The following ORC1 variants were observed in gnomAD, a reference collection of about 807,000 sequenced individuals.
ORC1 encodes the protein origin recognition complex, subunit 1 homolog.
ORC1 carries 61 observed loss-of-function variants against 98.9 expected under a neutral mutation model. The ratio of observed to expected loss-of-function variants is 0.62; its 90% CI spans 0.50 to 0.76. The LOEUF (loss-of-function observed/expected upper bound fraction) is 0.76, where lower values mean the gene tolerates loss of function less well. Among genes scored for constraint, ORC1 ranks in the 30% least tolerant of loss-of-function variants. ORC1 has a pLI of 0.00. For synonymous variants in ORC1, 385 were observed against 406.9 expected (o/e 0.95, Z 0.65); for missense variants, 979 against 1,072.2 (o/e 0.91, Z 1.21).
chr1:52,383,622 G>A (rs1178009118), intron 12 of ORC1, 53 bp from the exon 13 acceptor site: 2 of 1,594,132 alleles, frequency 1.3e-6, no homozygotes, highest in East Asian at 2.2e-5. Flanking sequence ...CTGAGCTGGT[G>A]CTTCAAAATG....
rs1646974125 is a variant in ORC1, at chr1:52,374,874, C to T, written c.2327G>A (p.Ser776Asn). The T allele has an allele frequency of 4.3e-6, 7 of 1,613,842 alleles. No individual in the cohort carries two copies. Among genetic ancestry groups the T allele is most frequent in the African/African-American group, 1.3e-5 (1 of 75,038 alleles). The change falls in exon 16 of 17, where the codon AGC becomes AAC. Residue 776 changes from serine (S) to asparagine (N), a missense_variant. Ser to Asn is a conservative substitution (Grantham distance 46, BLOSUM62 1). Transcript: ENST00000371568. Reference protein sequence around the residue: ...AIKNSSVLEQSFLRAILAEFR... With the variant: ...AIKNSSVLEQNFLRAILAEFR... ...CTCTGCGAGGATGGCTCTCAGGAAG[C>T]TCTGTTCCAGAACAGAGGAATTTCT...
At chr1:52,374,279 CTTAT>C (rs1646968306) in intron 16 of ORC1, among the ~76,000 whole-genome samples, 1 of 152,218 alleles carries the variant, frequency 6.6e-6, no homozygotes, top group South Asian at 2.1e-4. Flanking sequence ...GTTTTCCTGA[CTTAT>C]TTTAGTTAAA....
At chr1:52,377,759 C>T (rs1647013558) in intron 14 of ORC1, among the ~76,000 whole-genome samples, 1 of 148,980 alleles carries the variant, frequency 6.7e-6, no homozygotes, top group South Asian at 2.1e-4. Context: ...AACCCAGGCC[C>T]CAATTAACTC....
chr1:52,383,594 C>G (rs374869657), intron 12 of ORC1, 25 bp from the exon 13 acceptor site: 42 of 1,613,440 alleles, frequency 2.6e-5, no homozygotes, highest in Non-Finnish European at 3.6e-5. Flanking sequence ...GAGAGAGGTG[C>G]AGAGTCAATC....
At chr1:52,403,752 C>T (rs1461419039) in intron 1 of ORC1, among the ~76,000 whole-genome samples, 2 of 152,056 alleles carry the variant, frequency 1.3e-5, no homozygotes. Flanking sequence ...GTTAGGAGCT[C>T]ATCTGAAAAA....
chr1:52,384,684 T>C lies in ORC1; in HGVS notation c.1621A>G (p.Thr541Ala), dbSNP rs1647119553. 6.2e-7 allele frequency: 1 copy of C among 1,613,962 alleles called. No individual in the cohort carries two copies. Among genetic ancestry groups the C allele is most frequent in the Non-Finnish European group, 8.5e-7 (1 of 1,179,988 alleles). ...YISGVPGTGK[T>A]ATVHEVIRCL... is the part of the protein sequence containing the mutation. The stretch of plus-strand genomic sequence containing the variant: ...CGTATCACTTCATGAACAGTGGCAG[T>C]CTTCCCTGTCCCAGGGACACCGGAG... The change falls in exon 11 of 17, where the codon ACT becomes GCT. Residue 541 changes from threonine (T) to alanine (A), a missense_variant. Physicochemically the swap from Thr to Ala is moderately conservative, Grantham distance 58. Coordinates refer to ENST00000371568, the MANE Select transcript of ORC1 (RefSeq NM_004153.4).
chr1:52,407,497 T>G (rs1013605928), upstream of ORC1, among the ~76,000 whole-genome samples: 7 of 152,254 alleles, frequency 4.6e-5, no homozygotes, highest in African/African-American at 1.7e-4. Context: ...TGACCAGTAG[T>G]GTCACAGACT....
chr1:52,408,073 A>C (rs1207726436), upstream of ORC1, among the ~76,000 whole-genome samples: 1 of 150,706 alleles, frequency 6.6e-6, no homozygotes, highest in Non-Finnish European at 1.5e-5. Context: ...AAATAAATAC[A>C]TAAATAAAAA....
Position 52,393,573 on chromosome 1 carries a change from G to A in ORC1, c.952C>T (p.Leu318=). Residue 318 remains leucine (L), a synonymous_variant, in exon 6 of 17, where the codon CTG becomes TTG. Coordinates refer to ENST00000371568, the MANE Select transcript of ORC1 (RefSeq NM_004153.4). ...KKASPEHRII[L]RTRIAASKTI... Reference sequence around the variant, plus strand: ...TTCGAAGCTGCAATTCGGGTTCTCAGGATTATGCGATGTTCAGGTGAAGCC... The same window carrying A: ...TTCGAAGCTGCAATTCGGGTTCTCAAGATTATGCGATGTTCAGGTGAAGCC... 6.2e-7 allele frequency: 1 copy of A among 1,614,156 alleles called. No homozygotes were observed. Among genetic ancestry groups the A allele is most frequent in the Non-Finnish European group, 8.5e-7 (1 of 1,180,026 alleles).
chr1:52,408,973 A>G (rs1648074685), upstream of ORC1: 2 of 254,494 alleles, frequency 7.9e-6, no homozygotes, highest in African/African-American at 2.2e-5. Flanking sequence ...GCTCCATCCC[A>G]AAAGATCTAG....
At chr1:52,395,458 T>C (rs1432045449) in intron 5 of ORC1, among the ~76,000 whole-genome samples, 1 of 152,176 alleles carries the variant, frequency 6.6e-6, no homozygotes, top group Admixed American at 6.5e-5. Flanking sequence ...ACTCGAATTA[T>C]ATTAATGTTT....
chr1:52,408,877 C>T, upstream of ORC1: 2 of 571,106 alleles, frequency 3.5e-6, no homozygotes, highest in South Asian at 2.5e-5. Flanking sequence ...TCGTGTTGGC[C>T]TTACCCAGCC....
upstream of ORC1, chr1:52,408,706 A>T: frequency 6.2e-7 from 1 of 1,611,806 alleles, no homozygotes; most frequent in Non-Finnish European, 8.5e-7. Context: ...TATGGTGCTA[A>T]GTCTCCTGAT....
At chr1:52,405,870 A>T, upstream of ORC1, 2 of 1,602,804 alleles carry the variant, frequency 1.2e-6, no homozygotes, top group Non-Finnish European at 1.7e-6. Context: ...CTAATATAAG[A>T]GGTTTAATTT....
chr1:52,377,281 GT>G (rs1274834452), intron 14 of ORC1, among the ~76,000 whole-genome samples: 1 of 150,174 alleles, frequency 6.7e-6, no homozygotes, highest in Non-Finnish European at 1.5e-5. Flanking sequence ...CTTTTTGTTG[GT>G]TTTTTTGTTT....
upstream of ORC1, among the ~76,000 whole-genome samples, chr1:52,407,546 T>G (rs993663314): frequency 1.3e-5 from 2 of 152,242 alleles, no homozygotes; most frequent in East Asian, 1.9e-4. Flanking sequence ...CCAGATGACT[T>G]ACTTTTTTCC....
chr1:52,379,932 A>G (rs1357691778), intron 14 of ORC1, among the ~76,000 whole-genome samples: 3 of 152,120 alleles, frequency 2.0e-5, no homozygotes, highest in Non-Finnish European at 4.4e-5. Context: ...ACTCCGTCTC[A>G]AAACAAAAAA....
intron 1 of ORC1, 30 bp from the exon 2 acceptor site, chr1:52,402,258 A>G (rs2147948506): frequency 6.6e-7 from 1 of 1,511,744 alleles, no homozygotes; most frequent in Non-Finnish European, 9.2e-7. Context: ...CTGAGTTACC[A>G]TGATAAATAT....
intron 6 of ORC1, among the ~76,000 whole-genome samples, chr1:52,391,897 C>CA (rs1324525529): frequency 4.4e-3 from 341 of 77,858 alleles, no homozygotes; most frequent in Middle Eastern, 9.6e-3. Context: ...GACTCCCGCT[C>CA]AAAAAAAAAA....
Sources: allele counts gnomAD v4.1 joint callset (sites outside exome capture counted in the v4.1 genomes callset), GRCh38; gene constraint gnomAD v4.1.1; transcripts MANE v1.5; gene names NCBI Gene and HGNC (gene_info 2026-07-23, HGNC 2026-07-21).